SEMA6A: variants seen among roughly 807,000 people sequenced by gnomAD.
The protein encoded by SEMA6A is semaphorin-6A.
Under a neutral mutation model 96.8 loss-of-function variants are expected in SEMA6A, and 25 were observed. The observed-to-expected ratio is 0.26, with a 90% CI of 0.19 to 0.36. SEMA6A has a LOEUF of 0.36. Ranked by LOEUF, SEMA6A falls within the 10% of genes least tolerant of loss-of-function variation. The pLI, the probability that SEMA6A is intolerant of heterozygous loss-of-function variation, is 1.00. For missense variants in SEMA6A, 1,363 were observed against 1,323.1 expected, an observed-to-expected ratio of 1.03 and a Z score of -0.47; for synonymous variants, 612 against 518.0, an observed-to-expected ratio of 1.18 and a Z score of -2.46.
At chr5:116,487,182 A>G (rs1757093396) in intron 9 of SEMA6A, 1 of 510,426 alleles carries the variant, frequency 2.0e-6, no homozygotes, top group Admixed American at 3.5e-5. Flanking sequence ...GGCATTTAAT[A>G]CAGAGTCATA....
At chr5:116,475,679 C>T in intron 15 of SEMA6A, 76 bp from the exon 16 acceptor site, 2 of 1,046,746 alleles carry the variant, frequency 1.9e-6, no homozygotes, top group Non-Finnish European at 2.9e-6. Context: ...TCAAGCTTCA[C>T]TAAAGACAGT....
chr5:116,450,419 G>A (rs1196983159), intron 18 of SEMA6A, among the ~76,000 whole-genome samples: 2 of 152,202 alleles, frequency 1.3e-5, no homozygotes, highest in South Asian at 4.1e-4. Context: ...CAGTTTAAAA[G>A]GAACGTGGAA....
chr5:116,454,695 A>G (rs76231015), intron 18 of SEMA6A, among the ~76,000 whole-genome samples: 1,676 of 152,294 alleles, frequency 0.011, 62 homozygotes, highest in Admixed American at 0.063. Flanking sequence ...GTCTTACGGC[A>G]TAATGTGAAC....
intron 2 of SEMA6A, among the ~76,000 whole-genome samples, chr5:116,503,100 C>T (rs73781098): frequency 8.5e-5 from 13 of 152,254 alleles, no homozygotes; most frequent in Non-Finnish European, 1.3e-4. Flanking sequence ...AAAATACCTA[C>T]ATCTCAACAT....
chr5:116,568,143 T>C (rs750382409), intron 1 of SEMA6A, among the ~76,000 whole-genome samples: 7 of 152,238 alleles, frequency 4.6e-5, no homozygotes, highest in Non-Finnish European at 8.8e-5. Flanking sequence ...GTAGGATCTC[T>C]GTTATATCCA....
At chr5:116,485,344 C>A (rs1190219675) in intron 10 of SEMA6A, among the ~76,000 whole-genome samples, 1 of 152,126 alleles carries the variant, frequency 6.6e-6, no homozygotes, top group Non-Finnish European at 1.5e-5. Context: ...TCCGGTAGCC[C>A]CTGCATTTCC....
At chr5:116,462,039 T>G (rs759629761) in intron 18 of SEMA6A, among the ~76,000 whole-genome samples, 1 of 152,182 alleles carries the variant, frequency 6.6e-6, no homozygotes, top group Admixed American at 6.5e-5. Context: ...CCTTTATTAC[T>G]GTCATCAGGA....
intron 1 of SEMA6A, among the ~76,000 whole-genome samples, chr5:116,525,641 G>A (rs1456528724): frequency 6.6e-6 from 1 of 152,144 alleles, no homozygotes; most frequent in Non-Finnish European, 1.5e-5. Flanking sequence ...GATGGTAACG[G>A]CAGTTTGGTG....
In SEMA6A at chr5:116,446,632, G is replaced by A. The variant is rs771678836; in HGVS notation, c.3074C>T (p.Pro1025Leu). The change falls in exon 19 of 19, where the codon CCC becomes CTC. Residue 1025 changes from proline to leucine, a missense_variant. Pro to Leu is a moderately conservative substitution (Grantham distance 98). Coordinates refer to ENST00000343348, the MANE Select transcript of SEMA6A (RefSeq NM_020796.5). ...CTGGGATTATGTACACGCATCATTG[G>A]GCTTCATGGATGTGGAAAGGGGAGC... ...SFAPLSTSMKPNDACT is the reference protein window; with the variant it reads ...SFAPLSTSMKLNDACT The A allele has an allele frequency of 2.0e-6, 3 of 1,513,798 alleles. No homozygotes were observed. The highest frequency in any genetic ancestry group is 2.7e-5 in the South Asian group (2 of 73,962). The allele number at this position is 1,513,798 out of a possible 1,614,324, so 93.8% of individuals were successfully genotyped here. A position where few individuals can be genotyped will look rare whatever the true frequency, so the allele number is the denominator to read the frequency against.
rs1756831107 is a variant in SEMA6A at position 116,482,435 on chromosome 5, T to G, written c.1094+9A>C. Reference sequence around the variant, plus strand: ...AGTTTAAAATAGCCATATGAATATTTGCACATACCTGGGCTTAGGAACTCG... The same window carrying G: ...AGTTTAAAATAGCCATATGAATATTGGCACATACCTGGGCTTAGGAACTCG... On this transcript the variant is annotated intron_variant, in intron 11 of 18. Coordinates refer to ENST00000343348, the MANE Select transcript of SEMA6A (RefSeq NM_020796.5). 1 of 1,611,810 alleles carries G rather than the reference T, an allele frequency of 6.2e-7. No homozygotes were observed. The highest frequency in any genetic ancestry group is 1.3e-5 in the African/African-American group (1 of 74,990).
At chr5:116,496,157 G>T in intron 5 of SEMA6A, 94 bp downstream of exon 5, 2 of 1,072,654 alleles carry the variant, frequency 1.9e-6, no homozygotes, top group Non-Finnish European at 2.8e-6. Context: ...AAAGGAAAAA[G>T]CACAATCCAT....
intron 13 of SEMA6A, 143 bp from the exon 14 acceptor site, chr5:116,478,297 C>T (rs1756567711): frequency 1.1e-6 from 1 of 892,052 alleles, no homozygotes. Flanking sequence ...CTCTTGCACA[C>T]ACGTAAACAC....
intron 1 of SEMA6A, among the ~76,000 whole-genome samples, chr5:116,573,300 C>G (rs1414226291): frequency 1.3e-5 from 2 of 152,164 alleles, no homozygotes; most frequent in Middle Eastern, 6.3e-3. Context: ...TCACCCTTCC[C>G]CCTCCTGGGT....
In SEMA6A at chr5:116,486,978, A is replaced by G. The variant is rs764318844; in HGVS notation, c.745-12T>C. 2 of 1,595,120 alleles carry G rather than the reference A, an allele frequency of 1.3e-6. No homozygotes were observed. The highest frequency in any genetic ancestry group is 1.1e-5 in the South Asian group (1 of 90,522). ...CTTGGGAAAACTACCTGCAGAGGAA[A>G]AACACATAGGGAAAATTAAATGCAT... On this transcript the variant is annotated splice_polypyrimidine_tract_variant and intron_variant, in intron 9 of 18. Coordinates refer to ENST00000343348, the MANE Select transcript of SEMA6A (RefSeq NM_020796.5).
At chr5:116,573,109 G>A (rs1161093916) in intron 1 of SEMA6A, among the ~76,000 whole-genome samples, 1 of 151,982 alleles carries the variant, frequency 6.6e-6, no homozygotes, top group African/African-American at 2.4e-5. Flanking sequence ...TGAGCAAAAC[G>A]CGGAGAATCG....
chr5:116,553,255 T>TA (rs1760488229), intron 1 of SEMA6A, among the ~76,000 whole-genome samples: 1 of 152,222 alleles, frequency 6.6e-6, no homozygotes, highest in Admixed American at 6.5e-5. Flanking sequence ...GAAAATCCAT[T>TA]AAGTATAATC....
Position 116,504,958 on chromosome 5 carries a change from G to T in SEMA6A, c.-14C>A. On this transcript the variant is annotated 5_prime_UTR_variant, in exon 2 of 19. Coordinates refer to ENST00000343348, the MANE Select transcript of SEMA6A (RefSeq NM_020796.5). ...TTCTGACCTCATAGTAGTTCAGCGGGGAGACTTTATTTCTCTACTTCACCC... is the reference window on the plus strand; with the variant it reads ...TTCTGACCTCATAGTAGTTCAGCGGTGAGACTTTATTTCTCTACTTCACCC... The T allele has an allele frequency of 6.4e-7, 1 of 1,558,068 alleles. No homozygotes were observed. The highest frequency in any genetic ancestry group is 8.7e-7 in the Non-Finnish European group (1 of 1,144,722).
At chr5:116,467,880 TTAGTGG>T (rs1755866617) in intron 17 of SEMA6A, 133 bp from the exon 18 acceptor site, 1 of 731,048 alleles carries the variant, frequency 1.4e-6, no homozygotes, top group South Asian at 1.8e-5. Context: ...ATGACACGGC[TTAGTGG>T]TGGTGGTGGT....
chr5:116,542,435 T>C (rs914179541), intron 1 of SEMA6A, among the ~76,000 whole-genome samples: 1 of 152,194 alleles, frequency 6.6e-6, no homozygotes, highest in Admixed American at 6.5e-5. Context: ...TCATTTTTAA[T>C]ACCCTTTTCT....
Sources: gnomAD v4.1 joint callset for allele counts (sites outside exome capture counted in the v4.1 genomes callset) on GRCh38, gnomAD v4.1.1 for gene constraint, MANE v1.5 for transcripts, NCBI Gene and HGNC (gene_info 2026-07-23, HGNC 2026-07-21) for gene names.